SEMA7A: variants seen among roughly 807,000 people sequenced by gnomAD.
The protein encoded by SEMA7A is semaphorin-7A.
A neutral mutation model predicts 67.5 loss-of-function variants in SEMA7A; 21 were observed. The ratio of observed to expected loss-of-function variants is 0.31; its 90% confidence interval spans 0.22 to 0.45. The LOEUF (loss-of-function observed/expected upper bound fraction) is 0.45. Among genes scored for constraint, SEMA7A ranks in the 20% least tolerant of loss-of-function variants. The pLI is 1.00. For missense variants in SEMA7A, 774 were observed against 908.6 expected (o/e 0.85, Z 1.90); for synonymous variants, 364 against 368.5 (o/e 0.99, Z 0.14).
chr15:74,424,192 G>A (rs2061023832), intron 1 of SEMA7A, among the ~76,000 whole-genome samples: 1 of 152,176 alleles, frequency 6.6e-6, no homozygotes, highest in African/African-American at 2.4e-5. Flanking sequence ...CTGGACAGCT[G>A]GCTGGCTGTG....
At chr15:74,418,247 C>G (rs1596192611) in intron 3 of SEMA7A, 21 bp downstream of exon 3, 1 of 1,612,268 alleles carries the variant, frequency 6.2e-7, no homozygotes, top group Non-Finnish European at 8.5e-7. Context: ...CAGACCCCTC[C>G]ATACCCCCTC....
chr15:74,412,069 C>A (rs1260100744), intron 10 of SEMA7A, 57 bp from the exon 11 acceptor site: 3 of 1,602,830 alleles, frequency 1.9e-6, no homozygotes, highest in African/African-American at 2.7e-5. Context: ...GGCCAGGCAG[C>A]TTTCCTCTAG....
At chr15:74,432,753 G>A (rs2061099331) in intron 1 of SEMA7A, among the ~76,000 whole-genome samples, 3 of 152,294 alleles carry the variant, frequency 2.0e-5, no homozygotes, top group East Asian at 1.9e-4. Flanking sequence ...ATCACGACAG[G>A]GGGGCCGCAG....
At chr15:74,416,047 A>AG in intron 7 of SEMA7A, 62 bp from the exon 8 acceptor site, 1 of 1,523,830 alleles carries the variant, frequency 6.6e-7, no homozygotes, top group Non-Finnish European at 9.0e-7. Flanking sequence ...CACACACCCC[A>AG]GGAAACCACT....
chr15:74,411,597 G>C lies in SEMA7A; in HGVS notation c.1536C>G (p.Gly512=), dbSNP rs1215795619. 2 of 1,595,426 alleles carry C rather than the reference G, an allele frequency of 1.3e-6. No individual in the cohort carries two copies. Among genetic ancestry groups the C allele is most frequent in the Non-Finnish European group, 1.7e-6 (2 of 1,170,182 alleles). ...TGGAGATGCAGCGGCCTTGGTCCCA[G>C]CCGCAGTAGGGGTCTCGGGACATGA... The part of the protein sequence containing the change: ...GCLMSRDPYC[G]WDQGRCISIY... Residue 512 remains glycine (G), a synonymous_variant, in exon 12 of 14, where the codon GGC becomes GGG. Coordinates refer to ENST00000261918, the MANE Select transcript of SEMA7A (RefSeq NM_003612.5). The surrounding 1 kb of genome is among the most constrained non-coding windows in gnomAD (Gnocchi z 4.4).
chr15:74,413,732 C>T (rs147335001), intron 10 of SEMA7A, among the ~76,000 whole-genome samples: 1 of 152,302 alleles, frequency 6.6e-6, no homozygotes, highest in Non-Finnish European at 1.5e-5. Flanking sequence ...TGCTGGGGTT[C>T]CAGTTTCCTA....
chr15:74,433,945 A>G lies in SEMA7A; in HGVS notation c.-27T>C. The G allele has an allele frequency of 8.0e-7, 1 of 1,242,304 alleles. No individual in the cohort carries two copies. Among genetic ancestry groups the G allele is most frequent in the Non-Finnish European group, 1.0e-6 (1 of 995,478 alleles). The allele number at this position is 1,242,304 out of a possible 1,614,324, so 77.0% of individuals were successfully genotyped here. ...CCGTGGCCCCGGGAGCGACAGCGGC[A>G]ATCAGCCGAGACTGAGCCAGCGCCC... On this transcript the variant is annotated 5_prime_UTR_variant, in exon 1 of 14. Transcript: ENST00000261918.
At position 74,419,098 on chromosome 15, in the gene SEMA7A, C is replaced by T. The variant is rs1330352615; in HGVS notation, c.179-146G>A. On this transcript the variant is annotated intron_variant, in intron 1 of 13. Transcript: ENST00000261918. ...GACAAGCTCTGGGCTGGGGTGGTACCCAGACTCAGAGAGTCAAGGACAGGA... is the reference window on the plus strand; with the variant it reads ...GACAAGCTCTGGGCTGGGGTGGTACTCAGACTCAGAGAGTCAAGGACAGGA... 8 of 911,716 alleles carry T rather than the reference C, an allele frequency of 8.8e-6. No individual in the cohort carries two copies. The Admixed American group carries it at 2.2e-4, about 25-fold the overall frequency. The allele number at this position is 911,716 out of a possible 1,614,324, so 56.5% of individuals were successfully genotyped here.
intron 1 of SEMA7A, among the ~76,000 whole-genome samples, chr15:74,431,600 C>G (rs2061088987): frequency 6.6e-6 from 1 of 152,260 alleles, no homozygotes; most frequent in African/African-American, 2.4e-5. Flanking sequence ...CTCCCACCCA[C>G]CACTGGTAGA....
chr15:74,418,779 T>A (rs776009474), intron 2 of SEMA7A, 22 bp downstream of exon 2: 4 of 1,608,298 alleles, frequency 2.5e-6, no homozygotes, highest in Non-Finnish European at 3.4e-6. Context: ...AGGGGGGGTG[T>A]TGGGGGAAGA....
chr15:74,428,001 G>C (rs2061056889), intron 1 of SEMA7A, among the ~76,000 whole-genome samples: 1 of 152,228 alleles, frequency 6.6e-6, no homozygotes, highest in Non-Finnish European at 1.5e-5. Context: ...CCTCTGGCTG[G>C]AAGCATGGGG....
intron 1 of SEMA7A, among the ~76,000 whole-genome samples, chr15:74,433,363 G>A (rs944325641): frequency 6.6e-6 from 1 of 151,844 alleles, no homozygotes; most frequent in Non-Finnish European, 1.5e-5. Flanking sequence ...ACCCGGGTTG[G>A]GGTCCCAGGC....
At chr15:74,416,536 C>G in intron 7 of SEMA7A, 39 bp downstream of exon 7, 1 of 1,605,604 alleles carries the variant, frequency 6.2e-7, no homozygotes, top group Non-Finnish European at 8.5e-7. Context: ...CCTATTCATG[C>G]ACAGACACGT....
intron 1 of SEMA7A, among the ~76,000 whole-genome samples, chr15:74,425,174 G>T (rs760209753): frequency 1.3e-5 from 2 of 152,226 alleles, no homozygotes; most frequent in Admixed American, 6.5e-5. Flanking sequence ...CAGAGGAGGA[G>T]GAGGAAGATG....
At chr15:74,431,287 C>A (rs1427131381) in intron 1 of SEMA7A, among the ~76,000 whole-genome samples, 1 of 152,128 alleles carries the variant, frequency 6.6e-6, no homozygotes, top group African/African-American at 2.4e-5. Context: ...TCAAGGACAC[C>A]CAGCAGGTAC....
At chr15:74,431,049 A>G (rs2061084234) in intron 1 of SEMA7A, among the ~76,000 whole-genome samples, 1 of 151,970 alleles carries the variant, frequency 6.6e-6, no homozygotes. Context: ...TCCTCCAACC[A>G]CTGATAAAAT....
At chr15:74,430,930 C>T (rs946877282) in intron 1 of SEMA7A, among the ~76,000 whole-genome samples, 3 of 152,158 alleles carry the variant, frequency 2.0e-5, no homozygotes, top group African/African-American at 2.4e-5. Context: ...TGGACAAAAG[C>T]GAGGGAGGGC....
At chr15:74,431,769 G>T (rs1304226953) in intron 1 of SEMA7A, among the ~76,000 whole-genome samples, 2 of 152,268 alleles carry the variant, frequency 1.3e-5, no homozygotes, top group Non-Finnish European at 2.9e-5. Flanking sequence ...TGGGGGTGGG[G>T]GGCAGGTGAA....
chr15:74,417,275 T>TAAAAGGTG, intron 6 of SEMA7A, 60 bp downstream of exon 6: 2 of 1,326,548 alleles, frequency 1.5e-6, no homozygotes, highest in Non-Finnish European at 2.2e-6. Context: ...GGATCCCATC[T>TAAAAGGTG]GCCACCTTAA....
Sources: gnomAD v4.1 joint callset for allele counts (sites outside exome capture counted in the v4.1 genomes callset) on GRCh38, gnomAD v4.1.1 for gene constraint, Gnocchi (gnomAD v3.1) non-coding constraint, MANE v1.5 for transcripts, NCBI Gene and HGNC (gene_info 2026-07-23, HGNC 2026-07-21) for gene names.